LMF1: variants seen among roughly 807,000 people sequenced by gnomAD.
LMF1 encodes the protein lipase maturation factor 1, also known as transmembrane protein 112.
Under a neutral mutation model 60.6 loss-of-function variants are expected in LMF1, and 68 were observed. That is an observed-to-expected ratio of 1.12 (90% CI 0.92 to 1.37). The LOEUF (loss-of-function observed/expected upper bound fraction) is 1.37. Among genes scored for constraint, LMF1 ranks in the 40% most tolerant of loss-of-function variants. LMF1 has a pLI of 0.00. For missense variants in LMF1, 948 were observed against 767.2 expected, an observed-to-expected ratio of 1.24 and a Z score of -2.78; for synonymous variants, 418 against 324.7, an observed-to-expected ratio of 1.29 and a Z score of -3.09.
At chr16:969,932 G>A (rs993124645) in intron 1 of LMF1, among the ~76,000 whole-genome samples, 11 of 152,324 alleles carry the variant, frequency 7.2e-5, no homozygotes, top group African/African-American at 2.6e-4. Context: ...GCTGCCCCTG[G>A]CCAGGGGATC....
At chr16:944,509 C>A (rs1299398680) in intron 2 of LMF1, among the ~76,000 whole-genome samples, 1 of 152,190 alleles carries the variant, frequency 6.6e-6, no homozygotes, top group Non-Finnish European at 1.5e-5. Flanking sequence ...ACAAGGTGCT[C>A]AGGCAGAAGG....
chr16:978,442 C>G (rs1004938425), intron 1 of LMF1, among the ~76,000 whole-genome samples: 2 of 152,138 alleles, frequency 1.3e-5, no homozygotes, highest in African/African-American at 4.8e-5. Context: ...TGGAAGCATC[C>G]CCCAGGCCAT....
chr16:860,579 A>C (rs765348293), intron 10 of LMF1, among the ~76,000 whole-genome samples: 16 of 152,064 alleles, frequency 1.1e-4, no homozygotes, highest in African/African-American at 1.4e-4. Flanking sequence ...GAGGTCAAGC[A>C]ATCTGCCCAC....
At chr16:975,024 A>AC (rs1329459563), upstream of LMF1, among the ~76,000 whole-genome samples, 1 of 151,486 alleles carries the variant, frequency 6.6e-6, no homozygotes, top group East Asian at 1.9e-4. Flanking sequence ...CAACCCCCCC[A>AC]CCCCCCACGT....
chr16:938,844 T>C (rs2072015426), intron 2 of LMF1, among the ~76,000 whole-genome samples: 1 of 152,154 alleles, frequency 6.6e-6, no homozygotes, highest in Non-Finnish European at 1.5e-5. Flanking sequence ...TGTAAATATG[T>C]AAATAGCCCT....
chr16:869,859 C>G, intron 9 of LMF1, 24 bp downstream of exon 9: 1 of 1,600,276 alleles, frequency 6.2e-7, no homozygotes, highest in Non-Finnish European at 8.5e-7. Flanking sequence ...CAGGTCCATG[C>G]GCCCGCCAGG....
At chr16:908,403 C>A (rs2071022729) in intron 4 of LMF1, among the ~76,000 whole-genome samples, 1 of 152,330 alleles carries the variant, frequency 6.6e-6, no homozygotes, top group East Asian at 1.9e-4. Flanking sequence ...TCACGCACCC[C>A]TCAGCCAGGA....
chr16:879,586 A>T lies in LMF1; in HGVS notation c.881T>A (p.Leu294Gln). Reference protein sequence around the residue: ...GRRACIIHGVLQILFQAVLIV... With the variant: ...GRRACIIHGVQQILFQAVLIV... ...CGGGCTCACCTGGAACAGGATCTGCAGCACCCCGTGGATGATGCACGCCCG... is the reference window on the plus strand; with the variant it reads ...CGGGCTCACCTGGAACAGGATCTGCTGCACCCCGTGGATGATGCACGCCCG... The change falls in exon 6 of 11, where the codon CTG becomes CAG. Residue 294 changes from leucine (L) to glutamine (Q), a missense_variant. Physicochemically the swap from Leu to Gln is moderately radical, Grantham distance 113. Coordinates refer to ENST00000262301, the MANE Select transcript of LMF1 (RefSeq NM_022773.4). 6.2e-7 allele frequency: 1 copy of T among 1,613,054 alleles called. No individual in the cohort carries two copies. Among genetic ancestry groups the T allele is most frequent in the Non-Finnish European group, 8.5e-7 (1 of 1,179,716 alleles).
At chr16:866,290 C>T (rs2069607009) in intron 10 of LMF1, among the ~76,000 whole-genome samples, 1 of 152,172 alleles carries the variant, frequency 6.6e-6, no homozygotes, top group South Asian at 2.1e-4. Context: ...TTGCTCCTGC[C>T]AGGTTGGGGT....
intron 1 of LMF1, 126 bp downstream of exon 1, chr16:970,662 G>C (rs1171925815): frequency 5.8e-6 from 5 of 866,380 alleles, no homozygotes; most frequent in Non-Finnish European, 8.5e-6. Context: ...CCGGGCCCCA[G>C]CAGGAAGGAG....
At chr16:860,446 C>T (rs2069427248) in intron 10 of LMF1, among the ~76,000 whole-genome samples, 1 of 151,434 alleles carries the variant, frequency 6.6e-6, no homozygotes, top group African/African-American at 2.4e-5. Context: ...CTCAAGTGAT[C>T]CTCCCACCTC....
At chr16:979,668 G>T (rs905381958) in intron 1 of LMF1, 1 of 454,114 alleles carries the variant, frequency 2.2e-6, no homozygotes, top group Admixed American at 2.3e-5. Context: ...CTGCCTGCTC[G>T]CAGACCTAAT....
At chr16:870,144 C>T (rs1302690306) in intron 8 of LMF1, 78 bp from the exon 9 acceptor site, 29 of 1,472,674 alleles carry the variant, frequency 2.0e-5, no homozygotes, top group Non-Finnish European at 2.4e-5. Context: ...GGGGGGGGTT[C>T]CCCGACTGTC....
chr16:980,492 T>A (rs572608336), intron 1 of LMF1: 1 of 152,154 alleles, frequency 6.6e-6, no homozygotes, highest in Non-Finnish European at 1.5e-5. Flanking sequence ...CGTGGCTCAG[T>A]GGCTGCAGCG....
chr16:954,176 G>A (rs1371897317), intron 2 of LMF1, 181 bp downstream of exon 2: 3 of 719,002 alleles, frequency 4.2e-6, no homozygotes, highest in South Asian at 1.5e-5. Flanking sequence ...TCCTGAAGAT[G>A]GGTGGCTGCT....
At chr16:896,360 T>C (rs2070661209) in intron 4 of LMF1, among the ~76,000 whole-genome samples, 1 of 152,252 alleles carries the variant, frequency 6.6e-6, no homozygotes, top group South Asian at 2.1e-4. Flanking sequence ...AGGGTCTTGC[T>C]GTACGTCCCT....
In LMF1 at chr16:870,783, A is replaced by G. The variant is rs1314645627; in HGVS notation, c.1178T>C (p.Met393Thr). 11 of 1,612,912 alleles carry G rather than the reference A, an allele frequency of 6.8e-6. No individual in the cohort carries two copies. The East Asian group carries it at 1.3e-4, about 20-fold the overall frequency. The change falls in exon 8 of 11, where the codon ATG becomes ACG. Residue 393 changes from methionine (M) to threonine (T), a missense_variant. By Grantham distance (81) the Met-to-Thr change is moderately conservative. Transcript: ENST00000262301. ...VLNLLSSRQV[M>T]NTHFNSLHIV... ...GTGAAGAGAGTTGAAGTGGGTGTTCATGACCTGCCTGGAGCTCAGCAAGTT... is the reference window on the plus strand; with the variant it reads ...GTGAAGAGAGTTGAAGTGGGTGTTCGTGACCTGCCTGGAGCTCAGCAAGTT...
chr16:933,634 A>G (rs934452383), intron 3 of LMF1: 2 of 218,976 alleles, frequency 9.1e-6, no homozygotes, highest in Non-Finnish European at 1.8e-5. Flanking sequence ...GGGTGGGGGT[A>G]TGGTCATCCT....
chr16:890,866 G>A (rs1467919860), intron 5 of LMF1, among the ~76,000 whole-genome samples: 3 of 152,214 alleles, frequency 2.0e-5, no homozygotes, highest in Non-Finnish European at 4.4e-5. Context: ...CCCTCCGGTG[G>A]CAGTGACACC....
Sources: gnomAD v4.1 joint callset for allele counts (sites outside exome capture counted in the v4.1 genomes callset) on GRCh38, gnomAD v4.1.1 for gene constraint, MANE v1.5 for transcripts, NCBI Gene and HGNC (gene_info 2026-07-23, HGNC 2026-07-21) for gene names.